Variants in DCC observed in about 807,000 individuals in gnomAD.
DCC encodes netrin receptor DCC.
DCC carries 58 observed loss-of-function variants against 172.5 expected under a neutral mutation model. That is an observed-to-expected ratio of 0.34 (90% CI 0.27 to 0.42). The LOEUF (loss-of-function observed/expected upper bound fraction) is 0.42. Among genes scored for constraint, DCC ranks in the 10% least tolerant of loss-of-function variants. The probability of loss-of-function intolerance (pLI) is 1.00; values close to 1 mark genes in which losing one functional copy is unlikely to be tolerated. For missense variants in DCC, 1,740 were observed against 1,791.0 expected, an observed-to-expected ratio of 0.97 and a Z score of 0.51; for synonymous variants, 709 against 644.5, an observed-to-expected ratio of 1.10 and a Z score of -1.52.
chr18:52,743,296 C>T (rs1320789900), intron 1 of DCC, among the ~76,000 whole-genome samples: 1 of 152,162 alleles, frequency 6.6e-6, no homozygotes, highest in Non-Finnish European at 1.5e-5. Context: ...TGATGAAAAA[C>T]ACGGAAGCTA....
intron 7 of DCC, among the ~76,000 whole-genome samples, chr18:53,073,695 G>T (rs879336019): frequency 6.6e-6 from 1 of 151,822 alleles, no homozygotes; most frequent in Admixed American, 6.6e-5. Context: ...CCCTGGAAAA[G>T]GTTACTGATT....
chr18:53,148,832 CA>C (rs1381550076), intron 7 of DCC, among the ~76,000 whole-genome samples: 6 of 149,864 alleles, frequency 4.0e-5, no homozygotes, highest in African/African-American at 1.5e-4. Context: ...CTTGATCTAC[CA>C]GACTCAAAAC....
intron 5 of DCC, among the ~76,000 whole-genome samples, chr18:52,942,716 T>C (rs112137443): frequency 0.033 from 4,959 of 152,154 alleles, 105 homozygotes; most frequent in Non-Finnish European, 0.05. Context: ...ATTCAAATTA[T>C]CTCCCGCCAG....
chr18:52,451,548 T>C (rs2144517567), intron 1 of DCC, among the ~76,000 whole-genome samples: 1 of 152,268 alleles, frequency 6.6e-6, no homozygotes, highest in South Asian at 2.1e-4. Flanking sequence ...TAAAGTAGGT[T>C]TATTGTGCTC....
chr18:53,323,673 G>T (rs187882612), intron 14 of DCC, among the ~76,000 whole-genome samples: 2 of 152,152 alleles, frequency 1.3e-5, no homozygotes, highest in East Asian at 1.9e-4. Flanking sequence ...TTGGTTGGAT[G>T]GTTGGATGGT....
At chr18:53,297,540 A>G (rs2057082419) in intron 12 of DCC, among the ~76,000 whole-genome samples, 1 of 152,310 alleles carries the variant, frequency 6.6e-6, no homozygotes, top group South Asian at 2.1e-4. Flanking sequence ...ATTTTTCAAA[A>G]GTCAAAGGTC....
chr18:52,672,989 G>A lies in DCC; in HGVS notation c.92-79065G>A, dbSNP rs2035580566. 2.6e-5 allele frequency among the ~76,000 whole-genome samples: 4 copies of A among 152,176 alleles called. No individual in the cohort carries two copies. In the South Asian group the frequency reaches 8.3e-4, roughly 32 times the overall value. ...AAAGTGGGAAGATTGCTTGAGCCCA[G>A]GAGTTTGAGGCTGCAGTGAGCCATG... On this transcript the variant is annotated intron_variant, in intron 1 of 28. Coordinates refer to ENST00000442544, the MANE Select transcript of DCC (RefSeq NM_005215.4).
intron 1 of DCC, among the ~76,000 whole-genome samples, chr18:52,530,773 T>A (rs1045628587): frequency 1.3e-5 from 2 of 152,150 alleles, no homozygotes; most frequent in African/African-American, 4.8e-5. Context: ...AATGGAAAAG[T>A]CCTAAGACAC....
At chr18:52,714,311 T>A (rs1472200576) in intron 1 of DCC, among the ~76,000 whole-genome samples, 1 of 152,204 alleles carries the variant, frequency 6.6e-6, no homozygotes, top group Non-Finnish European at 1.5e-5. Context: ...AGACTTTGAG[T>A]GCATTTCATT....
chr18:52,792,785 AT>A (rs1362124046), intron 2 of DCC, among the ~76,000 whole-genome samples: 132 of 150,118 alleles, frequency 8.8e-4, no homozygotes, highest in African/African-American at 3.2e-3. Flanking sequence ...ATTCCATTCC[AT>A]TCCATTCCAT....
At chr18:53,291,731 G>A (rs2057007339) in intron 12 of DCC, among the ~76,000 whole-genome samples, 1 of 152,064 alleles carries the variant, frequency 6.6e-6, no homozygotes, top group Non-Finnish European at 1.5e-5. Context: ...TCTGAGAAAG[G>A]ACCTAGTGAT....
At chr18:52,770,227 T>A (rs2037318316) in intron 2 of DCC, among the ~76,000 whole-genome samples, 2 of 152,220 alleles carry the variant, frequency 1.3e-5, no homozygotes, top group African/African-American at 2.4e-5. Context: ...CAGCCATATT[T>A]TTTTTTCACT....
chr18:52,541,530 C>T (rs993811945), intron 1 of DCC, among the ~76,000 whole-genome samples: 1 of 152,056 alleles, frequency 6.6e-6, no homozygotes, highest in African/African-American at 2.4e-5. Context: ...TTTGGAAAGT[C>T]ATTTGGGTGC....
chr18:53,332,421 TAAC>T (rs1298431062), intron 14 of DCC, among the ~76,000 whole-genome samples: 1 of 152,008 alleles, frequency 6.6e-6, no homozygotes, highest in East Asian at 1.9e-4. Flanking sequence ...CTTGTGGTAG[TAAC>T]AAAATTTGTA....
intron 7 of DCC, among the ~76,000 whole-genome samples, chr18:53,079,163 C>A (rs1464513411): frequency 6.6e-6 from 1 of 152,082 alleles, no homozygotes; most frequent in Non-Finnish European, 1.5e-5. Flanking sequence ...ATATTCCTCC[C>A]TTGCCTTGTC....
chr18:52,710,498 G>C (rs1205185204), intron 1 of DCC, among the ~76,000 whole-genome samples: 2 of 152,220 alleles, frequency 1.3e-5, no homozygotes, highest in East Asian at 3.8e-4. Flanking sequence ...ACTTGCATGT[G>C]CCTGTTGATG....
chr18:53,140,000 C>T (rs2144345883), intron 7 of DCC, among the ~76,000 whole-genome samples: 1 of 152,224 alleles, frequency 6.6e-6, no homozygotes, highest in South Asian at 2.1e-4. Flanking sequence ...GTGCCTGATA[C>T]ATGAAAAATA....
At chr18:53,313,918 T>C (rs755910145) in intron 13 of DCC, among the ~76,000 whole-genome samples, 3 of 152,192 alleles carry the variant, frequency 2.0e-5, no homozygotes, top group African/African-American at 7.2e-5. Context: ...GGACCAATCA[T>C]GTATTCTGCG....
intron 15 of DCC, among the ~76,000 whole-genome samples, chr18:53,379,723 T>C (rs570796019): frequency 6.6e-6 from 1 of 152,198 alleles, no homozygotes; most frequent in Non-Finnish European, 1.5e-5. Flanking sequence ...AGCCATCTAT[T>C]TTGGATGCTC....
Sources: gnomAD v4.1 joint callset for allele counts (sites outside exome capture counted in the v4.1 genomes callset) on GRCh38, gnomAD v4.1.1 for gene constraint, MANE v1.5 for transcripts, NCBI Gene and HGNC (gene_info 2026-07-23, HGNC 2026-07-21) for gene names.